The following GDF15 variants were observed in gnomAD, a reference collection of about 807,000 sequenced individuals.
The protein encoded by GDF15 is growth differentiation factor 15, also known as growth/differentiation factor 15.
Under a neutral mutation model 8.9 loss-of-function variants are expected in GDF15, and 10 were observed. The observed-to-expected ratio is 1.12, with a 90% CI of 0.69 to 1.90. The LOEUF is 1.90. GDF15 is among the 40% of genes most tolerant of loss of function. The pLI, the probability that GDF15 is intolerant of heterozygous loss-of-function variation, is 0.00. For synonymous variants in GDF15, 228 were observed against 210.6 expected (o/e 1.08, Z -0.72); for missense variants, 452 against 434.2 (o/e 1.04, Z -0.36).
In GDF15 at chr19:18,386,453, A is replaced by C. The variant is rs1177093069; in HGVS notation, c.264A>C (p.Ile88=). ...TDLVPAPAVR[I]LTPEVRLGSG... ...TCGTCCCGGCCCCTGCAGTCCGGATACTCACGCCAGAAGGTAAGTGAAATC... is the reference window on the plus strand; with the variant it reads ...TCGTCCCGGCCCCTGCAGTCCGGATCCTCACGCCAGAAGGTAAGTGAAATC... Residue 88 remains isoleucine, a synonymous_variant, in exon 1 of 2, where the codon ATA becomes ATC. Transcript: ENST00000252809. 1 of 1,611,954 alleles carries C rather than the reference A, an allele frequency of 6.2e-7. No individual in the cohort carries two copies. The highest frequency in any genetic ancestry group is 2.2e-5 in the East Asian group (1 of 44,858).
chr19:18,388,654 G>A lies in GDF15; in HGVS notation c.646G>A (p.Val216Ile). 1 of 1,602,224 alleles carries A rather than the reference G, an allele frequency of 6.2e-7. No individual in the cohort carries two copies. The highest frequency in any genetic ancestry group is 8.5e-7 in the Non-Finnish European group (1 of 1,175,294). The change falls in exon 2 of 2, where the codon GTC (valine) becomes ATC (isoleucine). Residue 216 changes from valine to isoleucine, a missense_variant. Val to Ile is a conservative substitution (Grantham distance 29). Coordinates refer to ENST00000252809, the MANE Select transcript of GDF15 (RefSeq NM_004864.4). The surrounding 1 kb of genome is among the most constrained non-coding windows in gnomAD (Gnocchi z 4.2). ...GPGRCCRLHT[V>I]RASLEDLGWA... ...CGGGCGTTGCTGCCGTCTGCACACGGTCCGCGCGTCGCTGGAAGACCTGGG... is the reference window on the plus strand; with the variant it reads ...CGGGCGTTGCTGCCGTCTGCACACGATCCGCGCGTCGCTGGAAGACCTGGG...
chr19:18,386,427 C>T lies in GDF15; in HGVS notation c.238C>T (p.Leu80Phe). 6.2e-7 allele frequency: 1 copy of T among 1,613,592 alleles called. No homozygotes were observed. The highest frequency in any genetic ancestry group is 1.1e-5 in the South Asian group (1 of 91,088). Residue 80 changes from leucine (L) to phenylalanine (F), a missense_variant, in exon 1 of 2, where the codon CTC becomes TTC. Transcript: ENST00000252809. The part of the protein sequence containing the change: ...NQSWEDSNTD[L>F]VPAPAVRILT... ...GAGCTGGGAAGATTCGAACACCGAC[C>T]TCGTCCCGGCCCCTGCAGTCCGGAT...
In GDF15 at chr19:18,386,278, T is replaced by C; in HGVS notation, c.89T>C (p.Leu30Pro). ...VLSWLPHGGA[L>P]SLAEASRASF... The stretch of plus-strand genomic sequence containing the variant: ...TCGTGGCTGCCGCATGGGGGCGCCC[T>C]GTCTCTGGCCGAGGCGAGCCGCGCA... Residue 30 changes from leucine to proline, a missense_variant, in exon 1 of 2, where the codon CTG becomes CCG. Physicochemically the swap from Leu to Pro is moderately conservative, Grantham distance 98. Coordinates refer to ENST00000252809, the MANE Select transcript of GDF15 (RefSeq NM_004864.4). The C allele has an allele frequency of 6.2e-7, 1 of 1,614,050 alleles. No homozygotes were observed. The highest frequency in any genetic ancestry group is 8.5e-7 in the Non-Finnish European group (1 of 1,180,026).
rs538473844 is a variant in GDF15, at chr19:18,387,813, C to CTTTTTTTTTTTTTTTTTTTT, written c.278-466_278-447dup. Among the ~76,000 whole-genome samples the CTTTTTTTTTTTTTTTTTTTT allele has an allele frequency of 3.5e-3, 248 of 70,316 alleles. 53 individuals are homozygous for CTTTTTTTTTTTTTTTTTTTT. Among genetic ancestry groups the CTTTTTTTTTTTTTTTTTTTT allele is most frequent in the Middle Eastern group, 7.7e-3 (1 of 130 alleles). The allele number at this position is 70,316 out of a possible 152,430, so 46.1% of individuals were successfully genotyped here. A position where few individuals can be genotyped will look rare whatever the true frequency, so the allele number is the denominator to read the frequency against. ...CAGGAGATTCAAGGGGAGAAATGCC[C>CTTTTTTTTTTTTTTTTTTTT]TTTTTTTTTTTTTTTTTTTTTTTTT... On this transcript the variant is annotated intron_variant, in intron 1 of 1. Coordinates refer to ENST00000252809, the MANE Select transcript of GDF15 (RefSeq NM_004864.4).
Position 18,388,827 on chromosome 19 carries a change from C to T in GDF15, c.819C>T (p.Cys273=). ...AGCCCGACACGGTGCCAGCGCCCTG[C>T]TGCGTGCCCGCCAGCTACAATCCCA... is the stretch of plus-strand genomic sequence containing the variant. The part of the protein sequence containing the change: ...RLKPDTVPAP[C]CVPASYNPMV... Residue 273 remains cysteine, a synonymous_variant, in exon 2 of 2, where the codon TGC becomes TGT. Coordinates refer to ENST00000252809, the MANE Select transcript of GDF15 (RefSeq NM_004864.4). The surrounding 1 kb of genome is among the most constrained non-coding windows in gnomAD (Gnocchi z 4.2). 6.2e-7 allele frequency: 1 copy of T among 1,612,200 alleles called. No homozygotes were observed.
chr19:18,388,285 G>A lies in GDF15; in HGVS notation c.278-1G>A. On this transcript the variant is annotated splice_acceptor_variant, in intron 1 of 1. Coordinates refer to ENST00000252809, the MANE Select transcript of GDF15 (RefSeq NM_004864.4). LOFTEE classifies it high-confidence loss of function. The surrounding 1 kb of genome is among the most constrained non-coding windows in gnomAD (Gnocchi z 4.2). ...CAGCTTCCCTATCTGTCTTCCCACA[G>A]TGCGGCTGGGATCCGGCGGCCACCT... 1 of 1,610,264 alleles carries A rather than the reference G, an allele frequency of 6.2e-7. No homozygotes were observed. Among genetic ancestry groups the A allele is most frequent in the Non-Finnish European group, 8.5e-7 (1 of 1,179,550 alleles).
At position 18,388,944 on chromosome 19, in the gene GDF15, G is replaced by T. The variant is rs199905616; in HGVS notation, c.*9G>T. On this transcript the variant is annotated 3_prime_UTR_variant, in exon 2 of 2. Transcript: ENST00000252809. The surrounding 1 kb of genome is among the most constrained non-coding windows in gnomAD (Gnocchi z 4.2). ...ACTGCCACTGCATATGAGCAGTCCTGGTCCTTCCACTGTGCACCTGCGCGG... is the reference window on the plus strand; with the variant it reads ...ACTGCCACTGCATATGAGCAGTCCTTGTCCTTCCACTGTGCACCTGCGCGG... 18 of 1,580,794 alleles carry T rather than the reference G, an allele frequency of 1.1e-5. No homozygotes were observed. Among genetic ancestry groups the T allele is most frequent in the Non-Finnish European group, 1.4e-5 (16 of 1,160,466 alleles).
chr19:18,388,730 T>C lies in GDF15; in HGVS notation c.722T>C (p.Ile241Thr), dbSNP rs1383227693. The C allele has an allele frequency of 1.9e-6, 3 of 1,608,766 alleles. No homozygotes were observed. In the African/African-American group the frequency reaches 4.0e-5, roughly 21 times the overall value. ...SPREVQVTMCIGACPSQFRAA... is the reference protein window; with the variant it reads ...SPREVQVTMCTGACPSQFRAA... ...CGGGAGGTGCAAGTGACCATGTGCATCGGCGCGTGCCCGAGCCAGTTCCGG... is the reference window on the plus strand; with the variant it reads ...CGGGAGGTGCAAGTGACCATGTGCACCGGCGCGTGCCCGAGCCAGTTCCGG... The change falls in exon 2 of 2, where the codon ATC becomes ACC. Residue 241 changes from isoleucine (I) to threonine (T), a missense_variant. Transcript: ENST00000252809. This position sits in a 1 kb window ranked among gnomAD's most constrained non-coding sequence, Gnocchi z 4.2.
chr19:18,388,531 T>G lies in GDF15; in HGVS notation c.523T>G (p.Ser175Ala), dbSNP rs961978156. Residue 175 changes from serine (S) to alanine (A), a missense_variant, in exon 2 of 2, where the codon TCC (serine) becomes GCC (alanine). Coordinates refer to ENST00000252809, the MANE Select transcript of GDF15 (RefSeq NM_004864.4). The surrounding 1 kb of genome is among the most constrained non-coding windows in gnomAD (Gnocchi z 4.2). Reference protein sequence around the residue: ...QSDQLLAESSSARPQLELHLR... With the variant: ...QSDQLLAESSAARPQLELHLR... ...GGACCAACTGCTGGCAGAATCTTCGTCCGCACGGCCCCAGCTGGAGTTGCA... is the reference window on the plus strand; with the variant it reads ...GGACCAACTGCTGGCAGAATCTTCGGCCGCACGGCCCCAGCTGGAGTTGCA... The G allele has an allele frequency of 3.1e-6, 5 of 1,597,968 alleles. No individual in the cohort carries two copies. The African/African-American group carries it at 6.7e-5, about 21-fold the overall frequency.
chr19:18,388,583 GC>G lies in GDF15; in HGVS notation c.577del (p.Arg193AlafsTer45), dbSNP rs750870829. 2 of 1,600,048 alleles carry G rather than the reference GC, an allele frequency of 1.2e-6. No homozygotes were observed. The highest frequency in any genetic ancestry group is 8.5e-7 in the Non-Finnish European group (1 of 1,176,718). On this transcript the variant is annotated frameshift_variant, in exon 2 of 2. Coordinates refer to ENST00000252809, the MANE Select transcript of GDF15 (RefSeq NM_004864.4). LOFTEE classifies it low-confidence loss of function (END_TRUNC). The surrounding 1 kb of genome is among the most constrained non-coding windows in gnomAD (Gnocchi z 4.2). ...LHLRPQAARG[R>X]RRARARNGDH... ...TTGCGGCCGCAAGCCGCCAGGGGGC[GC>G]CGCAGAGCGCGTGCGCGCAACGGGG...
At position 18,386,299 on chromosome 19, in the gene GDF15, G is replaced by A. The variant is rs772493789; in HGVS notation, c.110G>A (p.Arg37His). 1.9e-6 allele frequency: 3 copies of A among 1,614,084 alleles called. 1 individual carries two copies. In the South Asian group the frequency reaches 3.3e-5, roughly 18 times the overall value. The change falls in exon 1 of 2, where the codon CGC becomes CAC. Residue 37 changes from arginine to histidine, a missense_variant. By Grantham distance (29) the Arg-to-His change is conservative (BLOSUM62 0). Coordinates refer to ENST00000252809, the MANE Select transcript of GDF15 (RefSeq NM_004864.4). The part of the protein sequence containing the change: ...GGALSLAEAS[R>H]ASFPGPSELH... ...GCCCTGTCTCTGGCCGAGGCGAGCC[G>A]CGCAAGTTTCCCGGGACCCTCAGAG... is the stretch of plus-strand genomic sequence containing the variant.
intron 1 of GDF15, 139 bp downstream of exon 1, chr19:18,386,605 T>C (rs2144614643): frequency 2.8e-6 from 2 of 720,324 alleles, no homozygotes; most frequent in Non-Finnish European, 4.6e-6. Context: ...ATATCCTGGA[T>C]CCCCTTGGGT....
chr19:18,388,627 C>A lies in GDF15; in HGVS notation c.619C>A (p.Pro207Thr), dbSNP rs1461252886. The change falls in exon 2 of 2, where the codon CCC becomes ACC. Residue 207 changes from proline (P) to threonine (T), a missense_variant. By Grantham distance (38) the Pro-to-Thr change is conservative (BLOSUM62 -1). Coordinates refer to ENST00000252809, the MANE Select transcript of GDF15 (RefSeq NM_004864.4). This position sits in a 1 kb window ranked among gnomAD's most constrained non-coding sequence, Gnocchi z 4.2. ...ARNGDHCPLGPGRCCRLHTVR... is the reference protein window; with the variant it reads ...ARNGDHCPLGTGRCCRLHTVR... Reference sequence around the variant, plus strand: ...CAACGGGGACCACTGTCCGCTCGGGCCCGGGCGTTGCTGCCGTCTGCACAC... The same window carrying A: ...CAACGGGGACCACTGTCCGCTCGGGACCGGGCGTTGCTGCCGTCTGCACAC... 14 of 1,598,254 alleles carry A rather than the reference C, an allele frequency of 8.8e-6. No individual in the cohort carries two copies. In the East Asian group the frequency reaches 3.1e-4, roughly 36 times the overall value.
Position 18,386,268 on chromosome 19 carries a change from G to A in GDF15, c.79G>A (p.Gly27Arg). 1.2e-6 allele frequency: 2 copies of A among 1,614,006 alleles called. No homozygotes were observed. The highest frequency in any genetic ancestry group is 2.2e-5 in the East Asian group (1 of 44,886). ...GCTGGTGCTCTCGTGGCTGCCGCATGGGGGCGCCCTGTCTCTGGCCGAGGC... is the reference window on the plus strand; with the variant it reads ...GCTGGTGCTCTCGTGGCTGCCGCATAGGGGCGCCCTGTCTCTGGCCGAGGC... The part of the protein sequence containing the change: ...VLLVLSWLPH[G>R]GALSLAEASR... The change falls in exon 1 of 2, where the codon GGG becomes AGG. Residue 27 changes from glycine (G) to arginine (R), a missense_variant. Coordinates refer to ENST00000252809, the MANE Select transcript of GDF15 (RefSeq NM_004864.4).
intron 1 of GDF15, among the ~76,000 whole-genome samples, chr19:18,387,813 C>CTTTTTTTTTTGTTTTTTTTT (rs1971848154): frequency 1.4e-5 from 1 of 70,354 alleles, no homozygotes; most frequent in Non-Finnish European, 2.4e-5. Flanking sequence ...GAGAAATGCC[C>CTTTTTTTTTTGTTTTTTTTT]TTTTTTTTTT....
rs769997784 is a variant in GDF15, at chr19:18,388,568, A to T, written c.560A>T (p.Gln187Leu). The change falls in exon 2 of 2, where the codon CAA (glutamine) becomes CTA (leucine). Residue 187 changes from glutamine (Q) to leucine (L), a missense_variant. Physicochemically the swap from Gln to Leu is moderately radical, Grantham distance 113. Coordinates refer to ENST00000252809, the MANE Select transcript of GDF15 (RefSeq NM_004864.4). The surrounding 1 kb of genome is among the most constrained non-coding windows in gnomAD (Gnocchi z 4.2). ...RPQLELHLRP[Q>L]AARGRRRARA... ...CAGCTGGAGTTGCACTTGCGGCCGC[A>T]AGCCGCCAGGGGGCGCCGCAGAGCG... The T allele has an allele frequency of 6.3e-7, 1 of 1,598,890 alleles. No individual in the cohort carries two copies. The highest frequency in any genetic ancestry group is 2.3e-5 in the East Asian group (1 of 44,444).
rs1170820505 is a variant in GDF15, at chr19:18,386,208, A to G, written c.19A>G (p.Arg7Gly). ...CACAGCCATGCCCGGGCAAGAACTC[A>G]GGACGGTGAATGGCTCTCAGATGCT... MPGQEL[R>G]TVNGSQMLLV... Residue 7 changes from arginine (R) to glycine (G), a missense_variant, in exon 1 of 2, where the codon AGG (arginine) becomes GGG (glycine). Arg to Gly is a moderately radical substitution (Grantham distance 125). Coordinates refer to ENST00000252809, the MANE Select transcript of GDF15 (RefSeq NM_004864.4). 2 of 1,612,236 alleles carry G rather than the reference A, an allele frequency of 1.2e-6. No individual in the cohort carries two copies. Among genetic ancestry groups the G allele is most frequent in the Non-Finnish European group, 1.7e-6 (2 of 1,179,672 alleles).
At chr19:18,387,910 C>T (rs940625419) in intron 1 of GDF15, among the ~76,000 whole-genome samples, 7 of 149,296 alleles carry the variant, frequency 4.7e-5, no homozygotes, top group Admixed American at 2.7e-4. Flanking sequence ...CAACCTCCAC[C>T]GCCCCGATTC....
chr19:18,388,622 T>G lies in GDF15; in HGVS notation c.614T>G (p.Leu205Arg). Residue 205 changes from leucine to arginine, a missense_variant, in exon 2 of 2, where the codon CTC becomes CGC. Physicochemically the swap from Leu to Arg is moderately radical, Grantham distance 102. Coordinates refer to ENST00000252809, the MANE Select transcript of GDF15 (RefSeq NM_004864.4). The surrounding 1 kb of genome is among the most constrained non-coding windows in gnomAD (Gnocchi z 4.2). ...ARARNGDHCP[L>R]GPGRCCRLHT... ...GCGCGCAACGGGGACCACTGTCCGC[T>G]CGGGCCCGGGCGTTGCTGCCGTCTG... 2 of 1,598,750 alleles carry G rather than the reference T, an allele frequency of 1.3e-6. No homozygotes were observed. The highest frequency in any genetic ancestry group is 1.7e-6 in the Non-Finnish European group (2 of 1,175,676).
Sources: allele counts gnomAD v4.1 joint callset (sites outside exome capture counted in the v4.1 genomes callset), GRCh38; gene constraint gnomAD v4.1.1; non-coding constraint Gnocchi (gnomAD v3.1); transcripts MANE v1.5; gene names NCBI Gene and HGNC (gene_info 2026-07-23, HGNC 2026-07-21).